The following FANK1 variants were observed in gnomAD, a reference collection of about 807,000 sequenced individuals.
FANK1 encodes the protein fibronectin type III and ankyrin repeat domains 1, also known as fibronectin type 3 and ankyrin repeat domains protein 1.
A neutral mutation model predicts 45.3 loss-of-function variants in FANK1; 44 were observed. That is an observed-to-expected ratio of 0.97 (90% CI 0.76 to 1.25). The LOEUF is 1.25. Ranked by LOEUF, FANK1 falls within the 50% of genes most tolerant of loss-of-function variation. FANK1 has a pLI of 0.00. For missense variants in FANK1, 391 were observed against 424.4 expected (o/e 0.92, Z 0.69); for synonymous variants, 149 against 152.5 (o/e 0.98, Z 0.17).
intron 1 of FANK1, among the ~76,000 whole-genome samples, chr10:125,963,348 A>G (rs916356780): frequency 6.6e-6 from 1 of 152,218 alleles, no homozygotes; most frequent in Admixed American, 6.5e-5. Flanking sequence ...TGATTCCTCA[A>G]GGATGTAGAA....
At chr10:125,930,202 C>G (rs2134140704) in intron 1 of FANK1, among the ~76,000 whole-genome samples, 1 of 150,986 alleles carries the variant, frequency 6.6e-6, no homozygotes, top group South Asian at 2.1e-4. Context: ...TTACATGTGC[C>G]TGGCTAATTT....
At chr10:125,960,678 C>G (rs976629218) in intron 1 of FANK1, among the ~76,000 whole-genome samples, 1 of 152,146 alleles carries the variant, frequency 6.6e-6, no homozygotes, top group Non-Finnish European at 1.5e-5. Context: ...AGGCGCCCAC[C>G]ACCATGCCCA....
chr10:125,898,763 T>C (rs191720899), intron 1 of FANK1, among the ~76,000 whole-genome samples: 1 of 152,296 alleles, frequency 6.6e-6, no homozygotes, highest in East Asian at 1.9e-4. Context: ...TCTCATGTCA[T>C]TGGATTTTGA....
intron 1 of FANK1, among the ~76,000 whole-genome samples, chr10:125,944,894 C>G (rs1372223464): frequency 2.6e-5 from 4 of 152,168 alleles, no homozygotes; most frequent in Non-Finnish European, 4.4e-5. Context: ...GTTCTGAAGG[C>G]TGCGAGACCC....
chr10:125,991,939 C>T (rs10901498), intron 3 of FANK1, among the ~76,000 whole-genome samples: 38,108 of 152,188 alleles, frequency 0.25, 5,354 homozygotes, highest in Admixed American at 0.39. Flanking sequence ...CTCCTCGGTG[C>T]CCCTGCTCAC....
intron 3 of FANK1, chr10:125,994,454 G>A (rs942544841): frequency 1.1e-5 from 11 of 985,120 alleles, no homozygotes; most frequent in African/African-American, 3.5e-5. Context: ...TGCCGTTTGC[G>A]GATGAGGGGC....
chr10:125,999,975 G>C (rs1188390073), intron 6 of FANK1, among the ~76,000 whole-genome samples: 2 of 152,150 alleles, frequency 1.3e-5, no homozygotes, highest in Admixed American at 6.5e-5. Context: ...GCTCAGTAAA[G>C]TGGACAGCTA....
At chr10:125,923,192 C>T (rs192324774) in intron 1 of FANK1, among the ~76,000 whole-genome samples, 1 of 151,202 alleles carries the variant, frequency 6.6e-6, no homozygotes, top group African/African-American at 2.4e-5. Context: ...AGTATGGTGG[C>T]TTATGCCTGT....
chr10:125,911,794 G>A (rs1052266928), intron 1 of FANK1, among the ~76,000 whole-genome samples: 1 of 152,136 alleles, frequency 6.6e-6, no homozygotes, highest in Non-Finnish European at 1.5e-5. Context: ...GCACAACATG[G>A]TTAGAAGCTC....
intron 1 of FANK1, among the ~76,000 whole-genome samples, chr10:125,919,553 G>A (rs190359494): frequency 3.9e-5 from 6 of 152,092 alleles, no homozygotes; most frequent in Admixed American, 6.6e-5. Flanking sequence ...ATGAATGAGG[G>A]AAAGACTCAT....
At chr10:125,922,735 A>G (rs1239507282) in intron 1 of FANK1, among the ~76,000 whole-genome samples, 1 of 152,168 alleles carries the variant, frequency 6.6e-6, no homozygotes, top group Non-Finnish European at 1.5e-5. Flanking sequence ...GGCTGGTCTC[A>G]AACTCCTGAG....
intron 6 of FANK1, among the ~76,000 whole-genome samples, chr10:126,002,582 T>C (rs920640321): frequency 6.6e-6 from 1 of 152,144 alleles, no homozygotes; most frequent in African/African-American, 2.4e-5. Flanking sequence ...GGGGGCTGGA[T>C]ATTCCAGTTA....
At chr10:125,982,221 T>C (rs1043372032) in intron 2 of FANK1, among the ~76,000 whole-genome samples, 3 of 152,252 alleles carry the variant, frequency 2.0e-5, no homozygotes, top group Non-Finnish European at 2.9e-5. Flanking sequence ...GGGGCCATCC[T>C]GCATCGTTCT....
intron 6 of FANK1, among the ~76,000 whole-genome samples, chr10:126,003,007 G>A (rs1007365180): frequency 6.6e-6 from 1 of 152,026 alleles, no homozygotes; most frequent in Non-Finnish European, 1.5e-5. Flanking sequence ...TTGGGAGGTG[G>A]TGTGGGGTTT....
At chr10:125,992,799 C>G (rs956631998) in intron 3 of FANK1, among the ~76,000 whole-genome samples, 1 of 151,418 alleles carries the variant, frequency 6.6e-6, no homozygotes, top group Non-Finnish European at 1.5e-5. Context: ...GGGCTGTGCC[C>G]TTAGAACTTT....
chr10:125,899,306 CG>C (rs1944848108), intron 1 of FANK1, among the ~76,000 whole-genome samples: 1 of 152,004 alleles, frequency 6.6e-6, no homozygotes, highest in Non-Finnish European at 1.5e-5. Flanking sequence ...GTGATCCTCC[CG>C]CCCTGGCCTC....
intron 1 of FANK1, among the ~76,000 whole-genome samples, chr10:125,941,465 G>A (rs1035427228): frequency 6.6e-6 from 1 of 152,188 alleles, no homozygotes; most frequent in Non-Finnish European, 1.5e-5. Flanking sequence ...GTGGAAATTA[G>A]TATAATCACT....
chr10:125,982,997 T>G (rs2134204479), intron 2 of FANK1, among the ~76,000 whole-genome samples: 1 of 152,128 alleles, frequency 6.6e-6, no homozygotes, highest in South Asian at 2.1e-4. Flanking sequence ...CTTTGGTGGG[T>G]CCTCCATTGC....
intron 1 of FANK1, among the ~76,000 whole-genome samples, chr10:125,957,589 A>T (rs894883151): frequency 6.6e-6 from 1 of 151,692 alleles, no homozygotes; most frequent in African/African-American, 2.4e-5. Flanking sequence ...TGCTGGCATG[A>T]TCTCCACTCA....
Sources: allele counts gnomAD v4.1 joint callset (sites outside exome capture counted in the v4.1 genomes callset), GRCh38; gene constraint gnomAD v4.1.1; transcripts MANE v1.5; gene names NCBI Gene and HGNC (gene_info 2026-07-23, HGNC 2026-07-21).